Variants in CACNA2D3 observed in about 807,000 individuals in gnomAD.
CACNA2D3 encodes calcium voltage-gated channel auxiliary subunit alpha2delta 3.
CACNA2D3 carries 60 observed loss-of-function variants against 160.6 expected under a neutral mutation model. The observed-to-expected ratio is 0.37, with a 90% CI of 0.30 to 0.46. The LOEUF (loss-of-function observed/expected upper bound fraction) is 0.46, where lower values mean the gene tolerates loss of function less well. Among genes scored for constraint, CACNA2D3 ranks in the 20% least tolerant of loss-of-function variants. The probability of loss-of-function intolerance (pLI) is 1.00; values close to 1 mark genes in which losing one functional copy is unlikely to be tolerated. For missense variants in CACNA2D3, 1,205 were observed against 1,365.0 expected, an observed-to-expected ratio of 0.88 and a Z score of 1.85; for synonymous variants, 558 against 492.9, an observed-to-expected ratio of 1.13 and a Z score of -1.75.
chr3:54,523,975 A>AT (rs1701687081), intron 5 of CACNA2D3, among the ~76,000 whole-genome samples: 1 of 151,442 alleles, frequency 6.6e-6, no homozygotes, highest in African/African-American at 2.4e-5. Flanking sequence ...TTTCTCAAAT[A>AT]TTTTTTTCTA....
intron 9 of CACNA2D3, among the ~76,000 whole-genome samples, chr3:54,595,022 T>C (rs954511831): frequency 3.9e-5 from 6 of 152,222 alleles, no homozygotes; most frequent in African/African-American, 1.4e-4. Context: ...ATGTCATTCT[T>C]CTAAAGATTT....
At chr3:54,847,892 G>C (rs763800523) in intron 17 of CACNA2D3, among the ~76,000 whole-genome samples, 5 of 152,188 alleles carry the variant, frequency 3.3e-5, no homozygotes, top group Non-Finnish European at 7.3e-5. Context: ...TGGACTCCTA[G>C]TGTGTATTTA....
intron 31 of CACNA2D3, among the ~76,000 whole-genome samples, chr3:54,988,729 C>T (rs1702672209): frequency 6.6e-6 from 1 of 152,166 alleles, no homozygotes; most frequent in South Asian, 2.1e-4. Context: ...ACAAGACCAA[C>T]TGAGCACTTT....
intron 16 of CACNA2D3, among the ~76,000 whole-genome samples, chr3:54,839,420 T>C (rs984675584): frequency 3.9e-5 from 6 of 152,094 alleles, no homozygotes; most frequent in Non-Finnish European, 5.9e-5. Context: ...GCTCTAAATG[T>C]AGGCATGAGC....
rs373125029 is a variant in CACNA2D3 at position 54,649,092 on chromosome 3, C to T, written c.1167+6851C>T. Among the ~76,000 whole-genome samples, 25 of 152,242 alleles carry T rather than the reference C, an allele frequency of 1.6e-4. 1 individual carries two copies. Among genetic ancestry groups the T allele is most frequent in the Admixed American group, 8.5e-4 (13 of 15,306 alleles). On this transcript the variant is annotated intron_variant, in intron 11 of 37. Transcript: ENST00000474759. ...GGTGGAGGGCTGGGAGACTTGATGC[C>T]GAATACTCCTTTTCATGCTGGAGCT...
At chr3:54,454,156 A>T (rs1700357004) in intron 4 of CACNA2D3, among the ~76,000 whole-genome samples, 1 of 152,178 alleles carries the variant, frequency 6.6e-6, no homozygotes, top group Non-Finnish European at 1.5e-5. Context: ...GCCCTAACTG[A>T]TCAGTAAAAC....
intron 11 of CACNA2D3, among the ~76,000 whole-genome samples, chr3:54,751,340 T>C (rs1481889947): frequency 6.6e-6 from 1 of 152,166 alleles, no homozygotes; most frequent in African/African-American, 2.4e-5. Flanking sequence ...ACATATCCCT[T>C]TAAATTAGGA....
At chr3:54,224,976 TA>T (rs1471309822) in intron 2 of CACNA2D3, among the ~76,000 whole-genome samples, 1 of 151,220 alleles carries the variant, frequency 6.6e-6, no homozygotes, top group Non-Finnish European at 1.5e-5. Flanking sequence ...ATATATACTT[TA>T]AGTTCTAGGG....
intron 9 of CACNA2D3, among the ~76,000 whole-genome samples, chr3:54,583,328 A>G (rs6445701): frequency 0.41 from 61,912 of 151,912 alleles, 13,232 homozygotes; most frequent in East Asian, 0.52. Context: ...CATTAGAGGA[A>G]ATGGGCTAAG....
At chr3:55,067,938 A>G (rs1343160623) in intron 35 of CACNA2D3, among the ~76,000 whole-genome samples, 1 of 152,222 alleles carries the variant, frequency 6.6e-6, no homozygotes, top group Non-Finnish European at 1.5e-5. Context: ...GGCTAGAAGC[A>G]AGGGGAAAGA....
intron 4 of CACNA2D3, among the ~76,000 whole-genome samples, chr3:54,415,361 A>G (rs1250302914): frequency 6.6e-6 from 1 of 152,170 alleles, no homozygotes; most frequent in Admixed American, 6.5e-5. Context: ...GAAAGTAGAC[A>G]ACTCACCATA....
intron 5 of CACNA2D3, among the ~76,000 whole-genome samples, chr3:54,549,359 T>C (rs1457775590): frequency 6.6e-6 from 1 of 152,098 alleles, no homozygotes; most frequent in Admixed American, 6.5e-5. Flanking sequence ...GGCAGGAGAA[T>C]GGCGTGAACC....
At chr3:54,750,257 T>A (rs1460218467) in intron 11 of CACNA2D3, among the ~76,000 whole-genome samples, 1 of 152,152 alleles carries the variant, frequency 6.6e-6, no homozygotes. Flanking sequence ...ATATGGGTTG[T>A]TTTGTGTTGG....
chr3:54,817,036 G>A (rs548969338), intron 14 of CACNA2D3, among the ~76,000 whole-genome samples, 166 bp downstream of exon 14: 1 of 152,298 alleles, frequency 6.6e-6, no homozygotes, highest in South Asian at 2.1e-4. Context: ...AGACTCAGTT[G>A]TCCACTGCTC....
intron 2 of CACNA2D3, among the ~76,000 whole-genome samples, chr3:54,274,114 A>G (rs934586350): frequency 2.6e-5 from 4 of 151,994 alleles, no homozygotes; most frequent in African/African-American, 9.7e-5. Context: ...TCTAACATTT[A>G]CCCCATTCCT....
chr3:54,604,107 TCCTTAGGATATGGG>T (rs1703115271), intron 9 of CACNA2D3, among the ~76,000 whole-genome samples: 2 of 152,198 alleles, frequency 1.3e-5, no homozygotes, highest in Non-Finnish European at 2.9e-5. Context: ...TTTGTTTAAT[TCCTTAGGATATGGG>T]CCTGAAATTG....
At chr3:54,897,055 A>G (rs2106880751) in intron 26 of CACNA2D3, 185 bp downstream of exon 26, 1 of 575,558 alleles carries the variant, frequency 1.7e-6, no homozygotes, top group South Asian at 3.1e-5. Flanking sequence ...CCTCAAAGAA[A>G]AGGAAGGTTT....
intron 3 of CACNA2D3, among the ~76,000 whole-genome samples, chr3:54,371,725 T>C (rs1698929142): frequency 1.3e-5 from 2 of 152,206 alleles, no homozygotes; most frequent in South Asian, 4.1e-4. Context: ...CAGAAAACTT[T>C]GTGGTCATCA....
chr3:54,824,011 G>A (rs772540497), intron 14 of CACNA2D3, among the ~76,000 whole-genome samples: 1 of 152,110 alleles, frequency 6.6e-6, no homozygotes, highest in Non-Finnish European at 1.5e-5. Flanking sequence ...AGTCTGCTAA[G>A]CCCAACTCTC....
Sources: allele counts gnomAD v4.1 joint callset (sites outside exome capture counted in the v4.1 genomes callset), GRCh38; gene constraint gnomAD v4.1.1; transcripts MANE v1.5; gene names NCBI Gene and HGNC (gene_info 2026-07-23, HGNC 2026-07-21).